Variants in FLT1 observed in about 807,000 individuals in gnomAD.
FLT1 encodes the protein fms related receptor tyrosine kinase 1, also known as vascular endothelial growth factor receptor 1.
In FLT1, 49 loss-of-function variants were observed where a neutral mutation model predicts 156.3. The ratio of observed to expected loss-of-function variants is 0.31; its 90% CI spans 0.25 to 0.40. The LOEUF (loss-of-function observed/expected upper bound fraction) is 0.40. Ranked by LOEUF, FLT1 falls within the 10% of genes least tolerant of loss-of-function variation. FLT1 has a pLI of 1.00. For synonymous variants in FLT1, 594 were observed against 583.8 expected (o/e 1.02, Z -0.25); for missense variants, 1,322 against 1,637.2 (o/e 0.81, Z 3.32).
At chr13:28,323,507 C>G (rs149049480) in intron 20 of FLT1, among the ~76,000 whole-genome samples, 2 of 151,894 alleles carry the variant, frequency 1.3e-5, no homozygotes, top group Admixed American at 6.6e-5. Flanking sequence ...CAAAATTAGC[C>G]GGGCATGGTG....
chr13:28,368,460 T>A, intron 14 of FLT1: 1 of 1,484,528 alleles, frequency 6.7e-7, no homozygotes, highest in South Asian at 1.4e-5. Flanking sequence ...CCATTTGTTA[T>A]TGTTATGATT....
chr13:28,407,192 C>T (rs1474843044), intron 10 of FLT1, among the ~76,000 whole-genome samples: 1 of 152,154 alleles, frequency 6.6e-6, no homozygotes, highest in African/African-American at 2.4e-5. Flanking sequence ...CATTTGCACA[C>T]ATGCAGACAG....
intron 15 of FLT1, among the ~76,000 whole-genome samples, chr13:28,350,687 C>T (rs912127295): frequency 2.6e-5 from 4 of 152,044 alleles, no homozygotes; most frequent in African/African-American, 9.7e-5. Flanking sequence ...AGCAAAAGAC[C>T]AGAGCACCTT....
chr13:28,311,742 C>G lies in FLT1; in HGVS notation c.3493-10G>C. The G allele has an allele frequency of 1.2e-6, 2 of 1,613,714 alleles. No homozygotes were observed. The highest frequency in any genetic ancestry group is 1.7e-6 in the Non-Finnish European group (2 of 1,179,784). On this transcript the variant is annotated splice_polypyrimidine_tract_variant and intron_variant, in intron 26 of 29. Transcript: ENST00000282397. ...TGTAGTCTTTACCATCCTAAAATAC[C>G]AAAGGTAGAGCTCTCGTTGCACCAA...
intron 1 of FLT1, among the ~76,000 whole-genome samples, chr13:28,472,496 T>C (rs964613577): frequency 6.6e-6 from 1 of 152,234 alleles, no homozygotes; most frequent in South Asian, 2.1e-4. Context: ...TTTAGAAAAC[T>C]GCTATTTTTA....
intron 18 of FLT1, among the ~76,000 whole-genome samples, chr13:28,331,928 CT>C (rs1871948049): frequency 6.6e-6 from 1 of 151,218 alleles, no homozygotes; most frequent in Non-Finnish European, 1.5e-5. Flanking sequence ...TTCTCTGAGC[CT>C]TTTAAAAAAA....
In FLT1 at chr13:28,427,898, G is replaced by A. The variant is rs758922569; in HGVS notation, c.1130C>T (p.Thr377Ile). 1.1e-4 allele frequency: 172 copies of A among 1,613,824 alleles called. No homozygotes were observed. Among genetic ancestry groups the A allele is most frequent in the Non-Finnish European group, 1.4e-4 (163 of 1,179,906 alleles). Residue 377 changes from threonine (T) to isoleucine (I), a missense_variant, in exon 9 of 30, where the codon ACT (threonine) becomes ATT (isoleucine). By Grantham distance (89) the Thr-to-Ile change is moderately conservative (BLOSUM62 -1). This residue lies in a region of FLT1 where 991 missense variants were observed against 1,254.8 expected (regional missense o/e 0.79). Coordinates refer to ENST00000282397, the MANE Select transcript of FLT1 (RefSeq NM_002019.4). The part of the protein sequence containing the change: ...VVWLKDGLPA[T>I]EKSARYLTRG... Reference sequence around the variant, plus strand: ...AGTCAAATAGCGAGCAGATTTCTCAGTCGCAGGTAACCCATCTTTTAACCT... The same window carrying A: ...AGTCAAATAGCGAGCAGATTTCTCAATCGCAGGTAACCCATCTTTTAACCT...
intron 18 of FLT1, 128 bp downstream of exon 18, chr13:28,333,897 A>G: frequency 1.3e-6 from 1 of 767,324 alleles, no homozygotes; most frequent in Middle Eastern, 2.4e-4. Context: ...CTCTAGCAGT[A>G]GAAGAAAATT....
intron 27 of FLT1, 133 bp from the exon 28 acceptor site, chr13:28,309,060 C>A: frequency 1.5e-6 from 1 of 658,730 alleles, no homozygotes; most frequent in Non-Finnish European, 2.8e-6. Flanking sequence ...TCCTGAGGCC[C>A]CGATCTCCCC....
chr13:28,434,002 C>T (rs1479015803), intron 5 of FLT1, 47 bp from the exon 6 acceptor site: 4 of 1,613,680 alleles, frequency 2.5e-6, no homozygotes, highest in Non-Finnish European at 1.7e-6. Context: ...TTTCATTACA[C>T]AGATAAAAAT....
At chr13:28,429,734 A>T (rs1338069800) in intron 8 of FLT1, among the ~76,000 whole-genome samples, 1 of 152,182 alleles carries the variant, frequency 6.6e-6, no homozygotes, top group East Asian at 1.9e-4. Context: ...CTTCCTAGTC[A>T]TTGCTCAACA....
At chr13:28,436,951 G>C (rs560856563) in intron 4 of FLT1, among the ~76,000 whole-genome samples, 1 of 152,314 alleles carries the variant, frequency 6.6e-6, no homozygotes, top group African/African-American at 2.4e-5. Flanking sequence ...AGTATGTTCA[G>C]AGTGCAGGCA....
intron 3 of FLT1, among the ~76,000 whole-genome samples, chr13:28,451,210 C>T (rs1349650360): frequency 2.0e-5 from 3 of 152,114 alleles, no homozygotes; most frequent in Non-Finnish European, 4.4e-5. Flanking sequence ...ACTGCCTGAG[C>T]TCAGGAGTTC....
At chr13:28,395,757 C>T (rs908296195) in intron 12 of FLT1, among the ~76,000 whole-genome samples, 2 of 152,070 alleles carry the variant, frequency 1.3e-5, no homozygotes, top group South Asian at 4.2e-4. Context: ...TTGTTTGTTT[C>T]CTTGGTGTTA....
intron 10 of FLT1, among the ~76,000 whole-genome samples, chr13:28,413,211 C>G (rs1188785135): frequency 6.6e-6 from 1 of 152,066 alleles, no homozygotes; most frequent in Non-Finnish European, 1.5e-5. Flanking sequence ...TAGATAAGAG[C>G]TTTTCCGTGA....
chr13:28,405,802 G>T lies in FLT1; in HGVS notation c.1529C>A (p.Ala510Glu). The change falls in exon 11 of 30, where the codon GCA becomes GAA. Residue 510 changes from alanine (A) to glutamate (E), a missense_variant. By Grantham distance (107) the Ala-to-Glu change is moderately radical. Coordinates refer to ENST00000282397, the MANE Select transcript of FLT1 (RefSeq NM_002019.4). ...NRIESITQRM[A>E]IIEGKNKMAS... Reference sequence around the variant, plus strand: ...TACCTTATTCTTTCCTTCTATTATTGCCATGCGCTGAGTGATGCTCTCAAT... The same window carrying T: ...TACCTTATTCTTTCCTTCTATTATTTCCATGCGCTGAGTGATGCTCTCAAT... The T allele has an allele frequency of 6.3e-7, 1 of 1,589,872 alleles. No homozygotes were observed. Among genetic ancestry groups the T allele is most frequent in the Non-Finnish European group, 8.6e-7 (1 of 1,158,762 alleles).
chr13:28,385,358 T>C lies in FLT1; in HGVS notation c.1970-327A>G, dbSNP rs183706593. Among the ~76,000 whole-genome samples the C allele has an allele frequency of 1.6e-3, 243 of 152,378 alleles. 1 individual carries two copies. Among genetic ancestry groups the C allele is most frequent in the African/African-American group, 5.5e-3 (228 of 41,582 alleles). ...AAAACTCAAGGATTTTGCATAATAG[T>C]TTAGAAGCTATAAATCAAAAACATG... On this transcript the variant is annotated intron_variant, in intron 13 of 29. Coordinates refer to ENST00000282397, the MANE Select transcript of FLT1 (RefSeq NM_002019.4).
At position 28,302,624 on chromosome 13, in the gene FLT1, C is replaced by T. The variant is rs1336916274; in HGVS notation, c.*543G>A. ...CGTCCCCCTCCGTGCCCACATGGTG[C>T]GTCTCAAATTCTTTCTCATGCCTTC... is the stretch of plus-strand genomic sequence containing the variant. On this transcript the variant is annotated 3_prime_UTR_variant, in exon 30 of 30. Coordinates refer to ENST00000282397, the MANE Select transcript of FLT1 (RefSeq NM_002019.4). 2 of 234,626 alleles carry T rather than the reference C, an allele frequency of 8.5e-6. No homozygotes were observed. The highest frequency in any genetic ancestry group is 6.0e-5 in the East Asian group (1 of 16,650). The allele number at this position is 234,626 out of a possible 1,614,324, so 14.5% of individuals were successfully genotyped here. A position where few individuals can be genotyped will look rare whatever the true frequency, so the allele number is the denominator to read the frequency against.
intron 1 of FLT1, among the ~76,000 whole-genome samples, chr13:28,489,635 G>A (rs1024122525): frequency 6.6e-6 from 1 of 152,162 alleles, no homozygotes; most frequent in African/African-American, 2.4e-5. Flanking sequence ...AGGTCTTGCA[G>A]GCAGACGAGC....
Sources: gnomAD v4.1 joint callset for allele counts (sites outside exome capture counted in the v4.1 genomes callset) on GRCh38, gnomAD v4.1.1 for gene constraint, gnomAD v4.1.1 regional missense constraint, MANE v1.5 for transcripts, NCBI Gene and HGNC (gene_info 2026-07-23, HGNC 2026-07-21) for gene names.